Variants in MGAT4C observed in about 807,000 individuals in gnomAD.
The protein encoded by MGAT4C is alpha-1,3-mannosyl-glycoprotein 4-beta-N-acetylglucosaminyltransferase C.
A neutral mutation model predicts 40.1 loss-of-function variants in MGAT4C; 19 were observed. That is an observed-to-expected ratio of 0.47 (90% CI 0.33 to 0.70). The LOEUF (loss-of-function observed/expected upper bound fraction) is 0.70, where lower values mean the gene tolerates loss of function less well. Ranked by LOEUF, MGAT4C falls within the 30% of genes least tolerant of loss-of-function variation. MGAT4C has a pLI of 0.02. For missense variants in MGAT4C, 491 were observed against 563.2 expected (o/e 0.87, Z 1.30); for synonymous variants, 181 against 187.1 (o/e 0.97, Z 0.27).
At chr12:86,081,430 G>T (rs533058673) in intron 1 of MGAT4C, among the ~76,000 whole-genome samples, 102 of 152,176 alleles carry the variant, frequency 6.7e-4, no homozygotes, top group Non-Finnish European at 1.1e-3. Context: ...TATAGATGCT[G>T]TTTATTATAA....
chr12:86,089,187 G>A (rs1406415708), intron 1 of MGAT4C, among the ~76,000 whole-genome samples: 1 of 152,010 alleles, frequency 6.6e-6, no homozygotes, highest in Admixed American at 6.6e-5. Context: ...TAAGTATAAA[G>A]CTATTAGAAT....
Position 85,969,727 on chromosome 12 carries a change from T to C in MGAT4C, c.*9562A>G, listed in dbSNP as rs1883530440. The stretch of plus-strand genomic sequence containing the variant: ...ATTATAGTTAGGAGGCAATGTATAA[T>C]AGTGATAAGGGGCATAGATTTTGAA... On this transcript the variant is annotated 3_prime_UTR_variant, in exon 5 of 5. Transcript: ENST00000611864. The C allele has an allele frequency of 6.6e-6, 1 of 151,570 alleles. No homozygotes were observed. Among genetic ancestry groups the C allele is most frequent in the Non-Finnish European group, 1.5e-5 (1 of 67,568 alleles). The allele number at this position is 151,570 out of a possible 1,614,324, so 9.4% of individuals were successfully genotyped here. A position where few individuals can be genotyped will look rare whatever the true frequency, so the allele number is the denominator to read the frequency against.
intron 4 of MGAT4C, among the ~76,000 whole-genome samples, chr12:86,326,039 G>C (rs1954518895): frequency 6.6e-6 from 1 of 151,900 alleles, no homozygotes; most frequent in South Asian, 2.1e-4. Context: ...GTAACTGTGA[G>C]CAAATTATAT....
At chr12:86,413,068 C>T (rs755105371) in intron 3 of MGAT4C, among the ~76,000 whole-genome samples, 1 of 151,894 alleles carries the variant, frequency 6.6e-6, no homozygotes, top group Non-Finnish European at 1.5e-5. Flanking sequence ...GCAAGTAAAC[C>T]GTGATTTTTA....
At chr12:86,394,496 T>TAAATA (rs1956213470) in intron 3 of MGAT4C, among the ~76,000 whole-genome samples, 1 of 145,574 alleles carries the variant, frequency 6.9e-6, no homozygotes, top group Non-Finnish European at 1.5e-5. Context: ...ATACTTTATA[T>TAAATA]ATATATTTTT....
At chr12:86,396,594 CAAAAT>C (rs1956267642) in intron 3 of MGAT4C, among the ~76,000 whole-genome samples, 2 of 151,814 alleles carry the variant, frequency 1.3e-5, no homozygotes, top group African/African-American at 4.8e-5. Flanking sequence ...TCTAAACAAA[CAAAAT>C]GAAACAAAAA....
intron 1 of MGAT4C, among the ~76,000 whole-genome samples, chr12:86,217,393 C>G (rs1432403916): frequency 6.6e-6 from 1 of 152,142 alleles, no homozygotes; most frequent in Non-Finnish European, 1.5e-5. Context: ...CCAGGCTGGT[C>G]TTGAACTCCT....
At chr12:86,795,266 T>A (rs1238338782) in intron 1 of MGAT4C, among the ~76,000 whole-genome samples, 3 of 151,948 alleles carry the variant, frequency 2.0e-5, no homozygotes, top group Non-Finnish European at 4.4e-5. Flanking sequence ...TTTTGTCCCA[T>A]GTCATAATTA....
chr12:86,466,636 T>C (rs1008603342), intron 2 of MGAT4C, among the ~76,000 whole-genome samples: 8 of 152,166 alleles, frequency 5.3e-5, no homozygotes, highest in African/African-American at 1.9e-4. Flanking sequence ...CAAATATTTG[T>C]CTAAACCCAG....
chr12:86,369,091 A>C, intron 3 of MGAT4C, among the ~76,000 whole-genome samples: 1 of 152,026 alleles, frequency 6.6e-6, no homozygotes. Context: ...TTTCTTTTGA[A>C]TTGCCATTTT....
intron 2 of MGAT4C, among the ~76,000 whole-genome samples, chr12:85,994,951 AAAAG>A (rs1330188309): frequency 6.6e-6 from 1 of 152,216 alleles, no homozygotes; most frequent in Non-Finnish European, 1.5e-5. Context: ...TTATAAATGG[AAAAG>A]AAAGAAAAAG....
rs536239526 is a variant in MGAT4C, at chr12:86,608,773, A to C, written c.-229+118436T>G. ...TAAATGTATTTTGTACATGGAAATC[A>C]CTTGAAATGTGCATAAGATGTCTAT... On this transcript the variant is annotated intron_variant, in intron 2 of 7. Coordinates refer to the MGAT4C transcript ENST00000548651. Among the ~76,000 whole-genome samples, 12 of 152,294 alleles carry C rather than the reference A, an allele frequency of 7.9e-5. No homozygotes were observed. The East Asian group carries it at 2.3e-3, about 29-fold the overall frequency.
intron 1 of MGAT4C, among the ~76,000 whole-genome samples, chr12:86,115,411 T>C: frequency 6.6e-6 from 1 of 152,094 alleles, no homozygotes; most frequent in Middle Eastern, 3.4e-3. Flanking sequence ...ACAATACTAA[T>C]TTAAATGACA....
chr12:86,221,370 A>G (rs549291095), intron 1 of MGAT4C, among the ~76,000 whole-genome samples: 2 of 152,274 alleles, frequency 1.3e-5, no homozygotes, highest in South Asian at 4.1e-4. Context: ...GACACAAAAA[A>G]AGGAGATAAT....
chr12:86,694,886 T>A (rs1254810680), intron 2 of MGAT4C, among the ~76,000 whole-genome samples: 1 of 151,984 alleles, frequency 6.6e-6, no homozygotes, highest in African/African-American at 2.4e-5. Flanking sequence ...TGCCTCCAAA[T>A]CACAGGCAAT....
At chr12:86,546,849 T>A (rs930806307) in intron 2 of MGAT4C, among the ~76,000 whole-genome samples, 17 of 152,014 alleles carry the variant, frequency 1.1e-4, no homozygotes, top group Admixed American at 1.3e-4. Flanking sequence ...ACTGTCTAGA[T>A]GCCGCCTAAA....
intron 2 of MGAT4C, among the ~76,000 whole-genome samples, chr12:86,493,410 A>G (rs2136325707): frequency 6.6e-6 from 1 of 152,242 alleles, no homozygotes; most frequent in Admixed American, 6.5e-5. Flanking sequence ...ATGTCCAACA[A>G]TGATAGACTG....
At chr12:86,695,302 C>G (rs1240087648) in intron 2 of MGAT4C, among the ~76,000 whole-genome samples, 2 of 152,006 alleles carry the variant, frequency 1.3e-5, no homozygotes, top group Non-Finnish European at 2.9e-5. Context: ...AAAAAGGAAC[C>G]CTTGTACACT....
At chr12:86,413,875 G>A (rs1956653163) in intron 3 of MGAT4C, among the ~76,000 whole-genome samples, 1 of 152,110 alleles carries the variant, frequency 6.6e-6, no homozygotes, top group Non-Finnish European at 1.5e-5. Context: ...TAATGATAAG[G>A]GGTTGGAGGG....
Sources: gnomAD v4.1 joint callset for allele counts (sites outside exome capture counted in the v4.1 genomes callset) on GRCh38, gnomAD v4.1.1 for gene constraint, MANE v1.5 for transcripts, NCBI Gene and HGNC (gene_info 2026-07-23, HGNC 2026-07-21) for gene names.